Variants in BRD8 observed in about 807,000 individuals in gnomAD.
The protein encoded by BRD8 is bromodomain containing 8, also known as bromodomain-containing protein 8.
A neutral mutation model predicts 143.1 loss-of-function variants in BRD8; 67 were observed. The observed-to-expected ratio is 0.47, with a 90% CI of 0.38 to 0.57. BRD8 has a LOEUF of 0.57. BRD8 is among the 20% of genes least tolerant of loss of function. The probability of loss-of-function intolerance (pLI) is 0.00; values close to 1 mark genes in which losing one functional copy is unlikely to be tolerated. For missense variants in BRD8, 1,103 were observed against 1,503.0 expected (o/e 0.73, Z 4.40); for synonymous variants, 505 against 517.1 (o/e 0.98, Z 0.32).
Position 138,152,712 on chromosome 5 carries a change from C to T in BRD8, c.2626G>A (p.Asp876Asn). ...WLDSEQDHPN[D>N]SELSNDCRSL... ...CTGCAGTCATTGCTCAACTCAGAGT[C>T]ATTGGGATGATCTTGTTCAGAATCC... Residue 876 changes from aspartate (D) to asparagine (N), a missense_variant, in exon 21 of 27, where the codon GAC becomes AAC. Physicochemically the swap from Asp to Asn is conservative, Grantham distance 23 (BLOSUM62 1). Transcript: ENST00000254900. 1 of 1,614,204 alleles carries T rather than the reference C, an allele frequency of 6.2e-7. No homozygotes were observed. Among genetic ancestry groups the T allele is most frequent in the Non-Finnish European group, 8.5e-7 (1 of 1,180,030 alleles).
Position 138,145,228 on chromosome 5 carries a change from A to G in BRD8, c.3386T>C (p.Leu1129Pro), listed in dbSNP as rs773729727. 6.2e-7 allele frequency: 1 copy of G among 1,613,904 alleles called. No individual in the cohort carries two copies. Among genetic ancestry groups the G allele is most frequent in the African/African-American group, 1.3e-5 (1 of 74,928 alleles). ...GGCCTGCCTTTCTGACACAGGCTTC[A>G]GAAATGGACTGCTGAACCTGTTAAG... ...IASHRFSSPF[L>P]KPVSERQAPG... The change falls in exon 25 of 27, where the codon CTG becomes CCG. Residue 1129 changes from leucine to proline, a missense_variant. By Grantham distance (98) the Leu-to-Pro change is moderately conservative. Coordinates refer to ENST00000254900, the MANE Select transcript of BRD8 (RefSeq NM_139199.2).
intron 20 of BRD8, among the ~76,000 whole-genome samples, chr5:138,154,970 C>T (rs996374818): frequency 1.3e-5 from 2 of 151,638 alleles, no homozygotes; most frequent in Admixed American, 6.6e-5. Flanking sequence ...ACTGGGATTA[C>T]AGGCGCCCAC....
chr5:138,164,609 A>T, intron 12 of BRD8, 105 bp downstream of exon 12: 1 of 1,333,492 alleles, frequency 7.5e-7, no homozygotes, highest in South Asian at 1.3e-5. Context: ...CACATCAAAC[A>T]TGTCAGAACT....
At chr5:138,173,708 A>G (rs1424652122) in intron 2 of BRD8, among the ~76,000 whole-genome samples, 1 of 152,160 alleles carries the variant, frequency 6.6e-6, no homozygotes, top group Non-Finnish European at 1.5e-5. Flanking sequence ...AGCTGAAATC[A>G]CAGATGCACC....
intron 11 of BRD8, 140 bp from the exon 12 acceptor site, chr5:138,165,306 G>C (rs1753311112): frequency 3.4e-6 from 3 of 876,138 alleles, no homozygotes; most frequent in Admixed American, 5.4e-5. Context: ...ACAATGAAGA[G>C]GCACCTGTCC....
At chr5:138,144,912 A>ATATAT (rs1264815360) in intron 25 of BRD8, among the ~76,000 whole-genome samples, 133 of 143,546 alleles carry the variant, frequency 9.3e-4, no homozygotes, top group African/African-American at 3.3e-3. Context: ...AAAAAAAAAA[A>ATATAT]AAAAAAATAT....
intron 8 of BRD8, 52 bp downstream of exon 8, chr5:138,169,170 C>T (rs1753675172): frequency 3.8e-6 from 6 of 1,587,046 alleles, no homozygotes; most frequent in Non-Finnish European, 5.1e-6. Context: ...CTCAGCTCTG[C>T]CGGCTTATTG....
chr5:138,161,906 A>T (rs754436061), intron 16 of BRD8, 42 bp from the exon 17 acceptor site: 1 of 1,607,638 alleles, frequency 6.2e-7, no homozygotes, highest in Non-Finnish European at 8.5e-7. Context: ...CATTCTCCAG[A>T]AGTGCAGGGA....
At position 138,164,300 on chromosome 5, in the gene BRD8, T is replaced by C. The variant is rs1286748448; in HGVS notation, c.1825+20A>G. ...GCCAAAGCAAATGATTTCAAGTCAG[T>C]GAAAGAGGACTTTATTTACCTGACA... is the stretch of plus-strand genomic sequence containing the variant. On this transcript the variant is annotated intron_variant, in intron 13 of 26. Transcript: ENST00000254900. 6.2e-7 allele frequency: 1 copy of C among 1,610,788 alleles called. No individual in the cohort carries two copies. The highest frequency in any genetic ancestry group is 8.5e-7 in the Non-Finnish European group (1 of 1,177,150).
chr5:138,169,023 T>C (rs1317206689), intron 8 of BRD8, among the ~76,000 whole-genome samples, 199 bp downstream of exon 8: 2 of 152,234 alleles, frequency 1.3e-5, no homozygotes, highest in African/African-American at 4.8e-5. Flanking sequence ...GTTTTTTACC[T>C]ATCTCTCAAA....
chr5:138,173,349 G>A (rs1754043439), intron 2 of BRD8, among the ~76,000 whole-genome samples: 1 of 150,518 alleles, frequency 6.6e-6, no homozygotes, highest in African/African-American at 2.5e-5. Context: ...AGTGAGCCGA[G>A]ATCGTGCCAC....
intron 8 of BRD8, chr5:138,168,595 T>C: frequency 2.5e-6 from 4 of 1,607,524 alleles, no homozygotes; most frequent in Non-Finnish European, 2.5e-6. Flanking sequence ...ACTGGGGTCA[T>C]GGGGGCTTCT....
chr5:138,168,724 A>G, intron 8 of BRD8: 1 of 1,080,156 alleles, frequency 9.3e-7, no homozygotes, highest in South Asian at 1.3e-5. Context: ...CTGACTTCTC[A>G]AACTATGGAA....
intron 20 of BRD8, among the ~76,000 whole-genome samples, chr5:138,155,180 C>T (rs1752532346): frequency 2.0e-5 from 3 of 150,618 alleles, no homozygotes; most frequent in Admixed American, 1.3e-4. Context: ...GGCGTGGTGG[C>T]TTATGTCTGT....
chr5:138,164,266 C>G, intron 13 of BRD8, 54 bp downstream of exon 13: 1 of 1,595,674 alleles, frequency 6.3e-7, no homozygotes, highest in Admixed American at 1.7e-5. Flanking sequence ...AACCCACAAC[C>G]CCTCAGAAGC....
chr5:138,176,056 A>G (rs934345874), intron 2 of BRD8, among the ~76,000 whole-genome samples: 3 of 152,086 alleles, frequency 2.0e-5, no homozygotes, highest in African/African-American at 2.4e-5. Flanking sequence ...CATCAGCATT[A>G]TTCATAATGG....
rs780103862 is a variant in BRD8 at position 138,163,300 on chromosome 5, C to T, written c.1917G>A (p.Ala639=). ...CTTCCTTAGGCTCCTCTAGGCTGGC[C>T]GCTTCACTGACACCATCTTCCTCCT... ...EDEEEDGVSE[A]ASLEEPKEED... Residue 639 remains alanine, a synonymous_variant, in exon 15 of 27, where the codon GCG becomes GCA. Transcript: ENST00000254900. The T allele has an allele frequency of 5.9e-5, 96 of 1,614,012 alleles. No homozygotes were observed. Among genetic ancestry groups the T allele is most frequent in the Admixed American group, 1.7e-4 (10 of 59,998 alleles).
intron 20 of BRD8, among the ~76,000 whole-genome samples, chr5:138,155,551 T>G (rs1048083495): frequency 1.3e-5 from 2 of 151,730 alleles, no homozygotes; most frequent in Non-Finnish European, 2.9e-5. Context: ...ATTTTAAATT[T>G]AGGGGTGTTT....
intron 20 of BRD8, among the ~76,000 whole-genome samples, chr5:138,153,968 A>T (rs1752474416): frequency 6.7e-6 from 1 of 150,070 alleles, no homozygotes; most frequent in Non-Finnish European, 1.5e-5. Flanking sequence ...GAGCCACCAC[A>T]CCCGACCCCA....
Sources: allele counts gnomAD v4.1 joint callset (sites outside exome capture counted in the v4.1 genomes callset), GRCh38; gene constraint gnomAD v4.1.1; transcripts MANE v1.5; gene names NCBI Gene and HGNC (gene_info 2026-07-23, HGNC 2026-07-21).